Variants in PCDHA2 observed in about 807,000 individuals in gnomAD.
The protein encoded by PCDHA2 is protocadherin alpha 2.
PCDHA2 carries 58 observed loss-of-function variants against 66.0 expected under a neutral mutation model. The observed-to-expected ratio is 0.88, with a 90% CI of 0.71 to 1.09. PCDHA2 has a LOEUF of 1.09. PCDHA2 is among the 50% of genes least tolerant of loss of function. The pLI, the probability that PCDHA2 is intolerant of heterozygous loss-of-function variation, is 0.00. For missense variants in PCDHA2, 1,267 were observed against 1,242.3 expected (o/e 1.02, Z -0.30); for synonymous variants, 634 against 554.0 (o/e 1.14, Z -2.03).
intron 1 of PCDHA2, chr5:140,869,756 GA>G: frequency 6.2e-7 from 1 of 1,613,194 alleles, no homozygotes; most frequent in South Asian, 1.1e-5. Context: ...ACAGACGGGG[GA>G]AAACCAGAGC....
intron 1 of PCDHA2, among the ~76,000 whole-genome samples, chr5:140,818,125 A>G (rs1376121700): frequency 1.3e-5 from 2 of 152,226 alleles, no homozygotes; most frequent in Non-Finnish European, 2.9e-5. Flanking sequence ...TTAAGAGAAG[A>G]TTTAGCAGTA....
chr5:140,835,910 A>T (rs2150248144), intron 1 of PCDHA2: 1 of 1,612,256 alleles, frequency 6.2e-7, no homozygotes, highest in Non-Finnish European at 8.5e-7. Flanking sequence ...GCTACGTGTC[A>T]GTGCACGCGG....
intron 1 of PCDHA2, chr5:140,871,260 G>A: frequency 1.9e-6 from 3 of 1,613,980 alleles, no homozygotes; most frequent in South Asian, 1.1e-5. Flanking sequence ...TGTATACGGC[G>A]CTGTGGTGGT....
At chr5:140,966,447 C>G (rs373859357) in intron 1 of PCDHA2, 3 of 425,206 alleles carry the variant, frequency 7.1e-6, no homozygotes, top group Non-Finnish European at 8.2e-6. Flanking sequence ...CTCCCTTTCC[C>G]CCTCCCCCTC....
chr5:141,006,937 A>G (rs1341234151), intron 3 of PCDHA2, among the ~76,000 whole-genome samples: 1 of 152,206 alleles, frequency 6.6e-6, no homozygotes, highest in Non-Finnish European at 1.5e-5. Context: ...AACTGGGGAT[A>G]CCAGATAGGC....
chr5:140,876,514 C>A, intron 1 of PCDHA2: 1 of 1,614,026 alleles, frequency 6.2e-7, no homozygotes, highest in East Asian at 2.2e-5. Flanking sequence ...TGACAATGTC[C>A]CTGAAGTAAT....
Position 141,010,339 on chromosome 5 carries a change from A to C in PCDHA2, c.*402A>C. ...TTGAGCAGCTTGGGAGTTTGTGGCCACTGGGTATGTGTGGCTACCGCGGGT... is the reference window on the plus strand; with the variant it reads ...TTGAGCAGCTTGGGAGTTTGTGGCCCCTGGGTATGTGTGGCTACCGCGGGT... On this transcript the variant is annotated 3_prime_UTR_variant, in exon 4 of 4. Coordinates refer to ENST00000526136, the MANE Select transcript of PCDHA2 (RefSeq NM_018905.3). 6.5e-7 allele frequency: 1 copy of C among 1,534,060 alleles called. No homozygotes were observed. The highest frequency in any genetic ancestry group is 8.8e-7 in the Non-Finnish European group (1 of 1,140,682).
In PCDHA2 at chr5:140,848,503, A is replaced by G. The variant is rs2150411513; in HGVS notation, c.2388+51151A>G. 2.1e-5 allele frequency: 33 copies of G among 1,586,850 alleles called. 4 individuals are homozygous for G. Among genetic ancestry groups the G allele is most frequent in the African/African-American group, 4.1e-5 (3 of 74,020 alleles). Reference sequence around the variant, plus strand: ...GAAGACTGAGTATTTGAAATGTTATACTCAAGTCGAGGAGATCCAGAGGGT... The same window carrying G: ...GAAGACTGAGTATTTGAAATGTTATGCTCAAGTCGAGGAGATCCAGAGGGT... On this transcript the variant is annotated intron_variant, in intron 1 of 3. Coordinates refer to ENST00000526136, the MANE Select transcript of PCDHA2 (RefSeq NM_018905.3).
Position 140,802,189 on chromosome 5 carries a change from C to T in PCDHA2, c.2388+4837C>T, listed in dbSNP as rs138143542. On this transcript the variant is annotated intron_variant, in intron 1 of 3. Coordinates refer to ENST00000526136, the MANE Select transcript of PCDHA2 (RefSeq NM_018905.3). ...ACGGATAAAGGAAATCCCCCAATGTCAGATCACTGCACAGTTCTACTCGAA... is the reference window on the plus strand; with the variant it reads ...ACGGATAAAGGAAATCCCCCAATGTTAGATCACTGCACAGTTCTACTCGAA... 155 of 1,614,124 alleles carry T rather than the reference C, an allele frequency of 9.6e-5. No homozygotes were observed. The highest frequency in any genetic ancestry group is 6.1e-5 in the Non-Finnish European group (72 of 1,180,052).
chr5:140,900,634 A>G (rs918199903), intron 1 of PCDHA2, among the ~76,000 whole-genome samples: 7 of 152,152 alleles, frequency 4.6e-5, no homozygotes, highest in Non-Finnish European at 1.0e-4. Flanking sequence ...AATCTTGGCT[A>G]TTGTGAACAC....
chr5:140,978,778 T>C, intron 1 of PCDHA2, 171 bp from the exon 2 acceptor site: 1 of 968,888 alleles, frequency 1.0e-6, no homozygotes, highest in Non-Finnish European at 1.2e-6. Context: ...CTAATTTTCT[T>C]CTAAAGTGCT....
chr5:140,970,193 G>C (rs1243334467), intron 1 of PCDHA2, among the ~76,000 whole-genome samples: 2 of 152,166 alleles, frequency 1.3e-5, no homozygotes, highest in African/African-American at 4.8e-5. Context: ...ATTGTAAGAG[G>C]ATTTCCCTGA....
Position 140,795,774 on chromosome 5 carries a change from T to C in PCDHA2, c.810T>C (p.Asp270=), listed in dbSNP as rs1554119565. The part of the protein sequence containing the change: ...LVVKLNASDA[D]EGPNSEIVYS... ...TTAAGTTAAACGCTTCTGATGCAGA[T>C]GAAGGACCGAACAGCGAGATTGTGT... The change falls in exon 1 of 4, where the codon GAT becomes GAC. Residue 270 remains aspartate, a synonymous_variant. Coordinates refer to ENST00000526136, the MANE Select transcript of PCDHA2 (RefSeq NM_018905.3). 10 of 1,613,854 alleles carry C rather than the reference T, an allele frequency of 6.2e-6. No individual in the cohort carries two copies. In the Admixed American group the frequency reaches 1.2e-4, roughly 19 times the overall value.
intron 1 of PCDHA2, chr5:140,877,939 A>G (rs2057403639): frequency 7.2e-7 from 1 of 1,379,672 alleles, no homozygotes. Context: ...TCTATCCTTT[A>G]AACTATCGAA....
chr5:140,861,234 C>T (rs868927537), intron 1 of PCDHA2: 7 of 166,456 alleles, frequency 4.2e-5, no homozygotes, highest in Middle Eastern at 2.9e-3. Context: ...ATTTTAGCTG[C>T]TAGACAAAGT....
At chr5:140,951,682 C>T (rs1327606119) in intron 1 of PCDHA2, among the ~76,000 whole-genome samples, 1 of 152,146 alleles carries the variant, frequency 6.6e-6, no homozygotes, top group East Asian at 1.9e-4. Flanking sequence ...TTGGGGATTA[C>T]AATGTGACAT....
At chr5:140,884,221 G>A in intron 1 of PCDHA2, 1 of 1,613,488 alleles carries the variant, frequency 6.2e-7, no homozygotes, top group East Asian at 2.2e-5. Context: ...TGGTGCTGGT[G>A]AAGGACCACG....
At chr5:140,902,920 C>T (rs1186097921) in intron 1 of PCDHA2, among the ~76,000 whole-genome samples, 1 of 152,304 alleles carries the variant, frequency 6.6e-6, no homozygotes, top group Non-Finnish European at 1.5e-5. Context: ...AGTAGTATTG[C>T]ATGGTGTATA....
chr5:140,898,794 T>C (rs1487494121), intron 1 of PCDHA2, among the ~76,000 whole-genome samples: 4 of 152,236 alleles, frequency 2.6e-5, no homozygotes, highest in Non-Finnish European at 4.4e-5. Context: ...ATGGCCATTT[T>C]CACGATACTG....
Sources: allele counts gnomAD v4.1 joint callset (sites outside exome capture counted in the v4.1 genomes callset), GRCh38; gene constraint gnomAD v4.1.1; transcripts MANE v1.5; gene names NCBI Gene and HGNC (gene_info 2026-07-23, HGNC 2026-07-21).